ARHGAP10: variants seen among roughly 807,000 people sequenced by gnomAD.
ARHGAP10 encodes Rho GTPase activating protein 10, also known as rho GTPase-activating protein 10.
A neutral mutation model predicts 108.6 loss-of-function variants in ARHGAP10; 87 were observed. The ratio of observed to expected loss-of-function variants is 0.80; its 90% CI spans 0.67 to 0.96. ARHGAP10 has a LOEUF of 0.96. Ranked by LOEUF, ARHGAP10 falls within the 40% of genes least tolerant of loss-of-function variation. ARHGAP10 has a pLI of 0.00. For missense variants in ARHGAP10, 939 were observed against 954.5 expected (o/e 0.98, Z 0.21); for synonymous variants, 347 against 341.1 (o/e 1.02, Z -0.19).
intron 19 of ARHGAP10, among the ~76,000 whole-genome samples, chr4:148,040,820 G>T (rs768928099): frequency 2.0e-5 from 3 of 151,820 alleles, no homozygotes; most frequent in Non-Finnish European, 4.4e-5. Context: ...GATTTGGGGG[G>T]GGTTATTTGG....
At chr4:147,804,380 A>T (rs1056277510) in intron 1 of ARHGAP10, among the ~76,000 whole-genome samples, 9 of 152,090 alleles carry the variant, frequency 5.9e-5, no homozygotes, top group African/African-American at 2.2e-4. Flanking sequence ...TATGTACCAC[A>T]TTTTCTTTAT....
At chr4:147,943,204 A>G (rs1163887801) in intron 14 of ARHGAP10, among the ~76,000 whole-genome samples, 1 of 152,220 alleles carries the variant, frequency 6.6e-6, no homozygotes, top group Non-Finnish European at 1.5e-5. Flanking sequence ...AATTGTGAGA[A>G]AATGTGGTAG....
At chr4:147,878,331 G>A (rs1206128959) in intron 8 of ARHGAP10, among the ~76,000 whole-genome samples, 1 of 152,116 alleles carries the variant, frequency 6.6e-6, no homozygotes, top group Non-Finnish European at 1.5e-5. Flanking sequence ...TCCTGACTTC[G>A]TGATCCACCC....
intron 10 of ARHGAP10, among the ~76,000 whole-genome samples, chr4:147,892,968 A>G (rs1402682548): frequency 6.6e-6 from 1 of 152,238 alleles, no homozygotes; most frequent in Non-Finnish European, 1.5e-5. Context: ...CATCTGCTCC[A>G]AAATGTCAGG....
chr4:147,802,212 C>T (rs1236368286), intron 1 of ARHGAP10, among the ~76,000 whole-genome samples: 1 of 152,130 alleles, frequency 6.6e-6, no homozygotes, highest in Non-Finnish European at 1.5e-5. Flanking sequence ...AAAAATATAT[C>T]TGACCTGTAT....
In ARHGAP10 at chr4:147,789,521, G is replaced by T. The variant is rs376503689; in HGVS notation, c.155-33206G>T. The stretch of plus-strand genomic sequence containing the variant: ...TGACCAGGCTGGTCTTGAACTCCTG[G>T]CCTCGGCCTCCCAAAGTGCTGATTA... On this transcript the variant is annotated intron_variant, in intron 1 of 22. Transcript: ENST00000336498. Among the ~76,000 whole-genome samples, 22 of 152,182 alleles carry T rather than the reference G, an allele frequency of 1.4e-4. No homozygotes were observed. In the South Asian group the frequency reaches 1.7e-3, roughly 11 times the overall value.
intron 5 of ARHGAP10, chr4:147,863,360 G>C (rs1441633572): frequency 6.6e-6 from 1 of 152,216 alleles, no homozygotes; most frequent in African/African-American, 2.4e-5. Context: ...CTGTCCCTTT[G>C]TGACTAGTTT....
intron 5 of ARHGAP10, chr4:147,863,282 CGTT>C (rs1355945568): frequency 6.6e-6 from 1 of 152,224 alleles, no homozygotes; most frequent in East Asian, 1.9e-4. Flanking sequence ...TGGCAGCCGT[CGTT>C]CTGCTTTCAG....
At chr4:147,882,994 C>T (rs974251730) in intron 10 of ARHGAP10, among the ~76,000 whole-genome samples, 1 of 152,144 alleles carries the variant, frequency 6.6e-6, no homozygotes, top group African/African-American at 2.4e-5. Flanking sequence ...AAGTTCAGGT[C>T]AGAACCCAGG....
chr4:147,968,280 A>AGCT (rs1462955559), intron 18 of ARHGAP10, among the ~76,000 whole-genome samples: 2 of 152,210 alleles, frequency 1.3e-5, no homozygotes, highest in African/African-American at 2.4e-5. Flanking sequence ...CTCAAAGTAA[A>AGCT]GCTTCCACTT....
chr4:147,848,086 T>G (rs1733707915), intron 4 of ARHGAP10, among the ~76,000 whole-genome samples: 1 of 78,768 alleles, frequency 1.3e-5, no homozygotes. Context: ...TGGCTGGGGA[T>G]GTGAGTTTTT....
chr4:147,855,682 GT>G (rs566406361), intron 4 of ARHGAP10, among the ~76,000 whole-genome samples: 2,936 of 124,748 alleles, frequency 0.024, 71 homozygotes, highest in African/African-American at 0.06. Flanking sequence ...TTGTCAGATG[GT>G]TTTTTTTTTT....
chr4:147,939,342 T>G (rs1271909875), intron 13 of ARHGAP10, among the ~76,000 whole-genome samples: 2 of 152,226 alleles, frequency 1.3e-5, no homozygotes, highest in African/African-American at 4.8e-5. Flanking sequence ...GGACAGGACA[T>G]GTAACAACTT....
chr4:147,999,567 C>A (rs1394590898), intron 18 of ARHGAP10, among the ~76,000 whole-genome samples: 1 of 152,202 alleles, frequency 6.6e-6, no homozygotes, highest in African/African-American at 2.4e-5. Context: ...AAAGGCTTGC[C>A]ATTGTTCCTG....
At chr4:147,811,415 C>T (rs1220795752) in intron 1 of ARHGAP10, among the ~76,000 whole-genome samples, 3 of 151,008 alleles carry the variant, frequency 2.0e-5, no homozygotes, top group Admixed American at 2.0e-4. Flanking sequence ...TTGTGTAGAT[C>T]CTCAAGTAAC....
intron 18 of ARHGAP10, among the ~76,000 whole-genome samples, chr4:147,972,862 C>A (rs2149620117): frequency 6.6e-6 from 1 of 152,040 alleles, no homozygotes; most frequent in South Asian, 2.1e-4. Context: ...CCAAGTGATT[C>A]TCCTGCCTCA....
At position 147,784,772 on chromosome 4, in the gene ARHGAP10, ATATAATATAT is replaced by A. The variant is rs1310851951; in HGVS notation, c.155-37949_155-37940del. Among the ~76,000 whole-genome samples, 13 of 53,164 alleles carry A rather than the reference ATATAATATAT, an allele frequency of 2.4e-4. 3 individuals carry two copies. The highest frequency in any genetic ancestry group is 8.7e-4 in the African/African-American group (13 of 14,926). 34.9% of individuals were successfully genotyped at this position (53,164 alleles called of 152,430 possible). On this transcript the variant is annotated intron_variant, in intron 1 of 22. Coordinates refer to ENST00000336498, the MANE Select transcript of ARHGAP10 (RefSeq NM_024605.4). ...ATATATTATAAAATGTATATTATAA[ATATAATATAT>A]TATAAAATATATATTATAAATATAA...
At chr4:147,818,164 C>CT (rs563096646) in intron 1 of ARHGAP10, among the ~76,000 whole-genome samples, 6,648 of 138,130 alleles carry the variant, frequency 0.048, 241 homozygotes, top group African/African-American at 0.097. Flanking sequence ...TCTTCTTTTT[C>CT]TTTTTTTTTT....
chr4:147,813,476 A>T (rs7683103), intron 1 of ARHGAP10, among the ~76,000 whole-genome samples: 1 of 152,144 alleles, frequency 6.6e-6, no homozygotes. Context: ...ATTTTAATTT[A>T]GGAAATCAGA....
Sources: allele counts gnomAD v4.1 joint callset (sites outside exome capture counted in the v4.1 genomes callset), GRCh38; gene constraint gnomAD v4.1.1; transcripts MANE v1.5; gene names NCBI Gene and HGNC (gene_info 2026-07-23, HGNC 2026-07-21).